Variants in FBXL17 observed in about 807,000 individuals in gnomAD.
FBXL17 encodes the protein F-box and leucine rich repeat protein 17, also known as F-box/LRR-repeat protein 17.
Under a neutral mutation model 66.2 loss-of-function variants are expected in FBXL17, and 22 were observed. The observed-to-expected ratio is 0.33, with a 90% CI of 0.24 to 0.47. The LOEUF is 0.47. Ranked by LOEUF, FBXL17 falls within the 20% of genes least tolerant of loss-of-function variation. The pLI, the probability that FBXL17 is intolerant of heterozygous loss-of-function variation, is 1.00. For synonymous variants in FBXL17, 474 were observed against 400.5 expected (o/e 1.18, Z -2.19); for missense variants, 878 against 948.2 (o/e 0.93, Z 0.97).
rs188863825 is a variant in FBXL17 at position 108,207,931 on chromosome 5, G to A, written c.1614+16190C>T. Among the ~76,000 whole-genome samples the A allele has an allele frequency of 5.0e-3, 754 of 151,684 alleles. 6 individuals carry two copies. The highest frequency in any genetic ancestry group is 6.2e-3 in the Non-Finnish European group (423 of 67,690). On this transcript the variant is annotated intron_variant, in intron 5 of 8. Coordinates refer to ENST00000542267, the MANE Select transcript of FBXL17 (RefSeq NM_001163315.3). ...ACAATAGTTGAACAACACTCCTACC[G>A]AGTGTTGTAAGTGTCCCTATTTCTC...
At chr5:108,162,804 T>G (rs753115811) in intron 6 of FBXL17, among the ~76,000 whole-genome samples, 5 of 152,306 alleles carry the variant, frequency 3.3e-5, no homozygotes, top group East Asian at 3.9e-4. Context: ...ACATTTGGAA[T>G]AGTAACTGTC....
chr5:108,091,492 C>T (rs982505824), intron 6 of FBXL17, among the ~76,000 whole-genome samples: 3 of 152,212 alleles, frequency 2.0e-5, no homozygotes, highest in Non-Finnish European at 4.4e-5. Flanking sequence ...CTTTAATACA[C>T]CACCCATTTG....
chr5:107,980,272 T>C (rs1199412223), intron 7 of FBXL17, among the ~76,000 whole-genome samples: 1 of 152,120 alleles, frequency 6.6e-6, no homozygotes, highest in Non-Finnish European at 1.5e-5. Context: ...AAGCTTGGCC[T>C]ATAAGAGAAA....
At chr5:108,185,962 A>G (rs1753212579) in intron 6 of FBXL17, among the ~76,000 whole-genome samples, 155 bp downstream of exon 6, 1 of 152,232 alleles carries the variant, frequency 6.6e-6, no homozygotes, top group Non-Finnish European at 1.5e-5. Context: ...ATGCATTAAA[A>G]GTATAGATCT....
chr5:107,889,160 A>C (rs901814169), intron 7 of FBXL17, among the ~76,000 whole-genome samples: 2 of 152,314 alleles, frequency 1.3e-5, no homozygotes, highest in African/African-American at 4.8e-5. Context: ...CTACCCTTGT[A>C]ATACTTAGTA....
intron 7 of FBXL17, among the ~76,000 whole-genome samples, chr5:107,962,149 T>C (rs35523405): frequency 0.31 from 47,168 of 151,996 alleles, 7,463 homozygotes; most frequent in East Asian, 0.41. Context: ...GGTCTGGAGA[T>C]AGTGGTGATG....
intron 3 of FBXL17, among the ~76,000 whole-genome samples, chr5:108,349,084 G>T (rs561031908): frequency 6.6e-6 from 1 of 152,282 alleles, no homozygotes; most frequent in Admixed American, 6.5e-5. Flanking sequence ...GGGATTACAG[G>T]TGTGAGCCAC....
At chr5:107,999,569 C>T (rs1427468938) in intron 7 of FBXL17, among the ~76,000 whole-genome samples, 1 of 151,384 alleles carries the variant, frequency 6.6e-6, no homozygotes, top group African/African-American at 2.4e-5. Context: ...AAAGCCCCAC[C>T]ACTTTCAACT....
chr5:108,106,699 A>C (rs1038318160), intron 6 of FBXL17, among the ~76,000 whole-genome samples: 1 of 152,258 alleles, frequency 6.6e-6, no homozygotes, highest in Non-Finnish European at 1.5e-5. Context: ...AGAATAGGCA[A>C]ATCCATAGAG....
chr5:108,139,483 A>T (rs948261955), intron 6 of FBXL17, among the ~76,000 whole-genome samples: 2 of 152,158 alleles, frequency 1.3e-5, no homozygotes, highest in African/African-American at 4.8e-5. Context: ...TACAACAATC[A>T]TGTGGACCGA....
intron 3 of FBXL17, among the ~76,000 whole-genome samples, chr5:108,349,979 T>C (rs1747538141): frequency 6.6e-6 from 1 of 152,228 alleles, no homozygotes; most frequent in Admixed American, 6.5e-5. Context: ...ATTTCATATA[T>C]CACTGTTGCA....
intron 5 of FBXL17, among the ~76,000 whole-genome samples, chr5:108,195,603 T>C (rs377729183): frequency 2.0e-5 from 3 of 152,170 alleles, no homozygotes; most frequent in Non-Finnish European, 4.4e-5. Flanking sequence ...GAGTGTACTA[T>C]GTTCTAATTT....
chr5:108,034,169 C>T (rs1057290796), intron 6 of FBXL17, among the ~76,000 whole-genome samples: 28 of 152,156 alleles, frequency 1.8e-4, no homozygotes, highest in African/African-American at 4.8e-5. Context: ...AACTTCAGGA[C>T]ACACACCTTT....
At chr5:108,044,593 C>A (rs566985841) in intron 6 of FBXL17, among the ~76,000 whole-genome samples, 1 of 152,238 alleles carries the variant, frequency 6.6e-6, no homozygotes, top group Admixed American at 6.5e-5. Context: ...TACAGCTTTA[C>A]TTCTTTGAAG....
intron 6 of FBXL17, among the ~76,000 whole-genome samples, chr5:108,079,438 A>G (rs1188077874): frequency 6.6e-6 from 1 of 152,220 alleles, no homozygotes; most frequent in Non-Finnish European, 1.5e-5. Context: ...TGATTAAAAT[A>G]AAATTAGAAA....
chr5:108,077,561 G>A (rs1748600095), intron 6 of FBXL17, among the ~76,000 whole-genome samples: 1 of 151,884 alleles, frequency 6.6e-6, no homozygotes, highest in Admixed American at 6.6e-5. Flanking sequence ...TACATATGAG[G>A]CTGAGGCAGG....
chr5:108,069,625 G>A (rs1331661811), intron 6 of FBXL17, among the ~76,000 whole-genome samples: 1 of 152,170 alleles, frequency 6.6e-6, no homozygotes, highest in East Asian at 1.9e-4. Flanking sequence ...AAACCACAGA[G>A]GTAAACTTCC....
intron 6 of FBXL17, among the ~76,000 whole-genome samples, chr5:108,025,699 A>T (rs946869717): frequency 7.8e-6 from 1 of 127,706 alleles, no homozygotes; most frequent in Non-Finnish European, 1.5e-5. Context: ...ACACACACAC[A>T]CACAAACACA....
intron 3 of FBXL17, among the ~76,000 whole-genome samples, chr5:108,354,902 C>G (rs1747876487): frequency 6.6e-6 from 1 of 151,802 alleles, no homozygotes; most frequent in Non-Finnish European, 1.5e-5. Context: ...AAACCAACAA[C>G]CTAGTATTCT....
Sources: gnomAD v4.1 joint callset for allele counts (sites outside exome capture counted in the v4.1 genomes callset) on GRCh38, gnomAD v4.1.1 for gene constraint, MANE v1.5 for transcripts, NCBI Gene and HGNC (gene_info 2026-07-23, HGNC 2026-07-21) for gene names.